Variants in TMTC2 observed in about 807,000 individuals in gnomAD.
TMTC2 encodes transmembrane O-mannosyltransferase targeting cadherins 2.
In TMTC2, 43 loss-of-function variants were observed where a neutral mutation model predicts 82.4. That is an observed-to-expected ratio of 0.52 (90% confidence interval 0.41 to 0.67). TMTC2 has a LOEUF of 0.67. TMTC2 is among the 30% of genes least tolerant of loss of function. TMTC2 has a pLI of 0.00. For synonymous variants in TMTC2, 408 were observed against 381.9 expected (o/e 1.07, Z -0.80); for missense variants, 919 against 1,012.4 (o/e 0.91, Z 1.25).
chr12:82,699,626 A>G (rs1417041377), intron 1 of TMTC2, among the ~76,000 whole-genome samples: 4 of 152,196 alleles, frequency 2.6e-5, no homozygotes, highest in Non-Finnish European at 5.9e-5. Context: ...TCAGTTTTGT[A>G]TATCAAGAAT....
intron 1 of TMTC2, among the ~76,000 whole-genome samples, chr12:82,737,286 A>G (rs1875174127): frequency 6.6e-6 from 1 of 152,186 alleles, no homozygotes; most frequent in African/African-American, 2.4e-5. Flanking sequence ...ATTCCATCCT[A>G]CATTATGTTC....
At chr12:82,706,469 C>G (rs1347549912) in intron 1 of TMTC2, among the ~76,000 whole-genome samples, 2 of 151,904 alleles carry the variant, frequency 1.3e-5, no homozygotes, top group East Asian at 3.9e-4. Context: ...TGATAGGAGC[C>G]AGATCACCAA....
intron 1 of TMTC2, among the ~76,000 whole-genome samples, chr12:82,790,696 G>T (rs1364501881): frequency 6.6e-6 from 1 of 151,624 alleles, no homozygotes; most frequent in Non-Finnish European, 1.5e-5. Flanking sequence ...GTGTGGTTGT[G>T]CATGCCTGTA....
At chr12:82,708,149 G>A (rs527796764) in intron 1 of TMTC2, among the ~76,000 whole-genome samples, 1 of 152,140 alleles carries the variant, frequency 6.6e-6, no homozygotes, top group Non-Finnish European at 1.5e-5. Context: ...AGACCTTGGG[G>A]CTTGCAAAGC....
intron 9 of TMTC2, among the ~76,000 whole-genome samples, chr12:83,037,200 A>T (rs1023512445): frequency 2.0e-5 from 3 of 152,210 alleles, no homozygotes; most frequent in African/African-American, 7.2e-5. Context: ...CAGTGTTAAA[A>T]TAATAGGTTT....
chr12:82,709,465 G>A (rs1489202656), intron 1 of TMTC2, among the ~76,000 whole-genome samples: 2 of 152,186 alleles, frequency 1.3e-5, no homozygotes, highest in Non-Finnish European at 2.9e-5. Flanking sequence ...TTATATGCAT[G>A]TGAAATGAAA....
chr12:82,728,387 A>C (rs1592879171), intron 1 of TMTC2, among the ~76,000 whole-genome samples: 1 of 152,020 alleles, frequency 6.6e-6, no homozygotes, highest in Middle Eastern at 3.4e-3. Flanking sequence ...GATCTTTCTC[A>C]TTTGAAAAAT....
intron 8 of TMTC2, among the ~76,000 whole-genome samples, chr12:82,994,986 C>T (rs1034195461): frequency 4.6e-5 from 7 of 151,604 alleles, no homozygotes; most frequent in Non-Finnish European, 7.4e-5. Flanking sequence ...CATTGATACT[C>T]TATGATACTT....
At chr12:82,845,075 A>G (rs1483042244) in intron 1 of TMTC2, among the ~76,000 whole-genome samples, 1 of 149,930 alleles carries the variant, frequency 6.7e-6, no homozygotes, top group African/African-American at 2.5e-5. Context: ...TAAAAATACA[A>G]CAAATTAGCT....
At chr12:82,903,560 C>T (rs1207217809) in intron 3 of TMTC2, among the ~76,000 whole-genome samples, 2 of 152,166 alleles carry the variant, frequency 1.3e-5, no homozygotes, top group Middle Eastern at 3.4e-3. Flanking sequence ...TACAGGCGCC[C>T]GCCACCACGC....
At chr12:82,878,587 A>G (rs888487078) in intron 2 of TMTC2, among the ~76,000 whole-genome samples, 2 of 152,220 alleles carry the variant, frequency 1.3e-5, no homozygotes, top group Admixed American at 1.3e-4. Flanking sequence ...TTGAAACAGT[A>G]AAGATATCAA....
intron 1 of TMTC2, among the ~76,000 whole-genome samples, chr12:82,815,309 A>G (rs4882529): frequency 2.7e-5 from 4 of 146,900 alleles, no homozygotes; most frequent in African/African-American, 1.0e-4. Flanking sequence ...TAATTAATTA[A>G]TTATTTATTT....
At chr12:82,965,471 C>G (rs1404857260) in intron 5 of TMTC2, 89 bp from the exon 6 acceptor site, 2 of 1,441,268 alleles carry the variant, frequency 1.4e-6, no homozygotes, top group Non-Finnish European at 1.9e-6. Flanking sequence ...AGCACTAAAC[C>G]ATAGAAACCA....
chr12:82,768,488 T>C (rs1415083958), intron 1 of TMTC2, among the ~76,000 whole-genome samples: 1 of 152,204 alleles, frequency 6.6e-6, no homozygotes, highest in Non-Finnish European at 1.5e-5. Context: ...TTCCATGGCC[T>C]GTCCGCACTT....
chr12:83,075,158 G>A (rs892927150), intron 11 of TMTC2, among the ~76,000 whole-genome samples: 1 of 152,132 alleles, frequency 6.6e-6, no homozygotes, highest in African/African-American at 2.4e-5. Flanking sequence ...CTCCAGTGGG[G>A]GTGTGTGTCA....
chr12:83,104,490 A>G (rs1884332492), intron 11 of TMTC2, among the ~76,000 whole-genome samples: 2 of 152,158 alleles, frequency 1.3e-5, no homozygotes, highest in South Asian at 4.1e-4. Context: ...GCTTAACATT[A>G]TGTGGAAGCT....
chr12:83,067,658 A>G (rs968649304), intron 11 of TMTC2, among the ~76,000 whole-genome samples: 4 of 152,054 alleles, frequency 2.6e-5, no homozygotes, highest in Non-Finnish European at 1.5e-5. Context: ...TTAAAGACTC[A>G]TGGACAACTG....
At chr12:82,777,066 G>T (rs1877637770) in intron 1 of TMTC2, among the ~76,000 whole-genome samples, 1 of 152,164 alleles carries the variant, frequency 6.6e-6, no homozygotes, top group African/African-American at 2.4e-5. Flanking sequence ...CATATTCATA[G>T]ATTTTATTTA....
rs139518981 is a variant in TMTC2, at chr12:82,785,841, C to G, written c.84-71169C>G. Among the ~76,000 whole-genome samples, 466 of 152,186 alleles carry G rather than the reference C, an allele frequency of 3.1e-3. 6 individuals carry two copies. The highest frequency in any genetic ancestry group is 0.015 in the South Asian group (72 of 4,824). On this transcript the variant is annotated intron_variant, in intron 1 of 11. Coordinates refer to ENST00000321196, the MANE Select transcript of TMTC2 (RefSeq NM_152588.3). ...GTCCATTAAAAGATTTGGTTCATTTCTGCAGATATTTGTTAAATAGCTGCT... is the reference window on the plus strand; with the variant it reads ...GTCCATTAAAAGATTTGGTTCATTTGTGCAGATATTTGTTAAATAGCTGCT...
Sources: allele counts gnomAD v4.1 joint callset (sites outside exome capture counted in the v4.1 genomes callset), GRCh38; gene constraint gnomAD v4.1.1; transcripts MANE v1.5; gene names NCBI Gene and HGNC (gene_info 2026-07-23, HGNC 2026-07-21).